DOCK4: variants seen among roughly 807,000 people sequenced by gnomAD.
The protein encoded by DOCK4 is dedicator of cytokinesis protein 4.
In DOCK4, 97 loss-of-function variants were observed where a neutral mutation model predicts 268.1. The observed-to-expected ratio is 0.36, with a 90% CI of 0.31 to 0.43. DOCK4 has a LOEUF of 0.43. Among genes scored for constraint, DOCK4 ranks in the 20% least tolerant of loss-of-function variants. DOCK4 has a pLI of 1.00. For missense variants in DOCK4, 2,145 were observed against 2,455.7 expected (o/e 0.87, Z 2.67); for synonymous variants, 954 against 887.2 (o/e 1.08, Z -1.34).
intron 26 of DOCK4, among the ~76,000 whole-genome samples, chr7:111,830,432 A>AAACAG (rs1802734133): frequency 6.6e-6 from 1 of 151,950 alleles, no homozygotes; most frequent in African/African-American, 2.4e-5. Flanking sequence ...TCTCAAAACA[A>AAACAG]AACAAAACAA....
chr7:112,077,357 A>G (rs1203764920), intron 1 of DOCK4, among the ~76,000 whole-genome samples: 1 of 152,186 alleles, frequency 6.6e-6, no homozygotes, highest in East Asian at 1.9e-4. Flanking sequence ...ATTAACTACT[A>G]TGGGAAAGAC....
intron 30 of DOCK4, among the ~76,000 whole-genome samples, chr7:111,794,170 C>T (rs1473154997): frequency 6.6e-6 from 1 of 152,046 alleles, no homozygotes; most frequent in Non-Finnish European, 1.5e-5. Flanking sequence ...AGAAAAGGGG[C>T]AAGAGCATGA....
At chr7:112,141,940 A>G (rs1814972860) in intron 1 of DOCK4, among the ~76,000 whole-genome samples, 1 of 152,146 alleles carries the variant, frequency 6.6e-6, no homozygotes, top group Admixed American at 6.5e-5. Flanking sequence ...AGAAATCCAC[A>G]GTTTTAAAAT....
intron 1 of DOCK4, among the ~76,000 whole-genome samples, chr7:112,097,626 C>A (rs259301): frequency 6.6e-6 from 1 of 151,942 alleles, no homozygotes; most frequent in Non-Finnish European, 1.5e-5. Context: ...ATATGTTTGA[C>A]TAATATTTTT....
In DOCK4 at chr7:111,915,873, T is replaced by G; in HGVS notation, c.1098A>C (p.Gly366=). 1 of 1,612,434 alleles carries G rather than the reference T, an allele frequency of 6.2e-7. No homozygotes were observed. The highest frequency in any genetic ancestry group is 8.5e-7 in the Non-Finnish European group (1 of 1,179,226). The change falls in exon 13 of 53, where the codon GGA becomes GGC. Residue 366 remains glycine, a synonymous_variant. Transcript: ENST00000428084. ...ATTCCCTTCTGATTTGTTCAATGTC[T>G]CCGTGCAATAGCTGTAAGGAAACTG... ...GLAVSLQLLH[G]DIEQIRREYS...
chr7:111,829,680 G>A (rs1449867148), intron 26 of DOCK4, among the ~76,000 whole-genome samples: 1 of 152,144 alleles, frequency 6.6e-6, no homozygotes, highest in African/African-American at 2.4e-5. Flanking sequence ...CCTACTTCAT[G>A]GGATCCTTTT....
intron 1 of DOCK4, among the ~76,000 whole-genome samples, chr7:112,131,584 T>C (rs919486206): frequency 1.1e-4 from 16 of 152,166 alleles, no homozygotes; most frequent in Non-Finnish European, 2.1e-4. Context: ...ATAGAGTGAA[T>C]GTATGCATGC....
intron 38 of DOCK4, among the ~76,000 whole-genome samples, chr7:111,766,567 A>C (rs2133645420): frequency 6.6e-6 from 1 of 152,302 alleles, no homozygotes; most frequent in East Asian, 1.9e-4. Context: ...AGGTACTGAA[A>C]CGTTGATCTA....
At chr7:111,781,418 A>G (rs1798776032) in intron 35 of DOCK4, among the ~76,000 whole-genome samples, 1 of 152,210 alleles carries the variant, frequency 6.6e-6, no homozygotes, top group African/African-American at 2.4e-5. Flanking sequence ...CAACTAGGAA[A>G]TTTAAGAGAG....
intron 1 of DOCK4, among the ~76,000 whole-genome samples, chr7:112,205,210 C>A (rs1019815102): frequency 1.3e-5 from 2 of 152,164 alleles, no homozygotes; most frequent in African/African-American, 4.8e-5. Context: ...CACCTTTACA[C>A]AGAACAGCGA....
chr7:111,889,566 T>C (rs1306150862), intron 16 of DOCK4, among the ~76,000 whole-genome samples: 1 of 152,108 alleles, frequency 6.6e-6, no homozygotes, highest in Non-Finnish European at 1.5e-5. Flanking sequence ...ATTTGAGAAG[T>C]CCATCTCAAA....
At position 111,910,187 on chromosome 7, in the gene DOCK4, TCA is replaced by T. The variant is rs1260146841; in HGVS notation, c.1192+5590_1192+5591del. Among the ~76,000 whole-genome samples, 5 of 152,148 alleles carry T rather than the reference TCA, an allele frequency of 3.3e-5. No homozygotes were observed. The East Asian group carries it at 9.6e-4, about 29-fold the overall frequency. On this transcript the variant is annotated intron_variant, in intron 13 of 52. Coordinates refer to ENST00000428084, the MANE Select transcript of DOCK4 (RefSeq NM_001363540.2). ...CAAAGAAAATTTTGCCTGGAAAGAA[TCA>T]CAGAGTAAAAAATGGACATTTGGGG... is the stretch of plus-strand genomic sequence containing the variant.
intron 14 of DOCK4, 35 bp from the exon 15 acceptor site, chr7:111,900,571 C>A: frequency 6.3e-7 from 1 of 1,585,192 alleles, no homozygotes; most frequent in Non-Finnish European, 8.6e-7. Context: ...TTAAAGAGAG[C>A]TTCATCTAAA....
At chr7:112,168,143 G>T (rs1260200554) in intron 1 of DOCK4, among the ~76,000 whole-genome samples, 3 of 151,862 alleles carry the variant, frequency 2.0e-5, no homozygotes, top group Admixed American at 6.6e-5. Flanking sequence ...GTAAAAATCA[G>T]GTATTAATCA....
chr7:112,041,693 T>C (rs1203929671), intron 1 of DOCK4, among the ~76,000 whole-genome samples: 2 of 152,210 alleles, frequency 1.3e-5, no homozygotes, highest in Non-Finnish European at 2.9e-5. Flanking sequence ...CCTGTTCTGT[T>C]ATTAACTTAC....
intron 1 of DOCK4, among the ~76,000 whole-genome samples, chr7:112,052,676 A>T (rs1805469100): frequency 6.6e-6 from 1 of 151,630 alleles, no homozygotes; most frequent in Admixed American, 6.6e-5. Flanking sequence ...GCTGCCTCCC[A>T]CTCACCCACC....
intron 1 of DOCK4, among the ~76,000 whole-genome samples, chr7:112,170,895 G>A (rs1465900539): frequency 6.6e-6 from 1 of 152,146 alleles, no homozygotes; most frequent in African/African-American, 2.4e-5. Context: ...CACTTTTAGT[G>A]CGATGATCCC....
chr7:111,927,227 G>A (rs1204810532), intron 12 of DOCK4, among the ~76,000 whole-genome samples: 1 of 152,128 alleles, frequency 6.6e-6, no homozygotes, highest in Non-Finnish European at 1.5e-5. Context: ...AAATAATCTT[G>A]TGATTATAAC....
At chr7:111,788,414 T>G in intron 32 of DOCK4, 2 of 456,552 alleles carry the variant, frequency 4.4e-6, no homozygotes, top group Non-Finnish European at 3.9e-6. Context: ...GAGGGAGATT[T>G]GTTATGTAAC....
Sources: allele counts gnomAD v4.1 joint callset (sites outside exome capture counted in the v4.1 genomes callset), GRCh38; gene constraint gnomAD v4.1.1; transcripts MANE v1.5; gene names NCBI Gene and HGNC (gene_info 2026-07-23, HGNC 2026-07-21).